The following CHD1 variants were observed in gnomAD, a reference collection of about 807,000 sequenced individuals.
CHD1 encodes the protein ATP-dependent chromatin remodeler CHD1.
CHD1 carries 36 observed loss-of-function variants against 224.2 expected under a neutral mutation model. The ratio of observed to expected loss-of-function variants is 0.16; its 90% CI spans 0.12 to 0.21. CHD1 has a LOEUF of 0.21. CHD1 is among the 10% of genes least tolerant of loss of function. The pLI is 1.00. For synonymous variants in CHD1, 668 were observed against 658.3 expected (o/e 1.01, Z -0.23); for missense variants, 1,378 against 1,994.8 (o/e 0.69, Z 5.89).
intron 32 of CHD1, among the ~76,000 whole-genome samples, chr5:98,862,943 G>A (rs997938881): frequency 6.6e-6 from 1 of 152,080 alleles, no homozygotes; most frequent in African/African-American, 2.4e-5. Flanking sequence ...TTAGCTTTAA[G>A]AACAATTTGC....
Position 98,878,845 on chromosome 5 carries a change from A to G in CHD1, c.3237+707T>C, listed in dbSNP as rs115494674. Reference sequence around the variant, plus strand: ...ATAAAAATAGATTTGGAAGATTCAGAAAAAGTAACGCTTAAAGAAAAATTT... The same window carrying G: ...ATAAAAATAGATTTGGAAGATTCAGGAAAAGTAACGCTTAAAGAAAAATTT... On this transcript the variant is annotated intron_variant, in intron 23 of 35. Transcript: ENST00000614616. Among the ~76,000 whole-genome samples, 538 of 152,356 alleles carry G rather than the reference A, an allele frequency of 3.5e-3. 1 individual carries two copies. The highest frequency in any genetic ancestry group is 6.1e-3 in the Non-Finnish European group (412 of 68,034).
At chr5:98,909,674 T>C (rs1368683351) in intron 2 of CHD1, among the ~76,000 whole-genome samples, 2 of 152,198 alleles carry the variant, frequency 1.3e-5, no homozygotes, top group African/African-American at 2.4e-5. Context: ...GTATAGTTCA[T>C]GAAGAAAAGG....
chr5:98,889,265 T>G (rs778587127), intron 15 of CHD1, 27 bp from the exon 16 acceptor site: 21 of 1,497,508 alleles, frequency 1.4e-5, no homozygotes, highest in Non-Finnish European at 1.7e-5. Context: ...ATGAAAACGA[T>G]GTTTAGCAGA....
chr5:98,875,195 G>A, intron 24 of CHD1, 82 bp from the exon 25 acceptor site: 3 of 773,798 alleles, frequency 3.9e-6, no homozygotes, highest in Non-Finnish European at 6.4e-6. Context: ...ACAGATATAA[G>A]AAAATACTTG....
chr5:98,859,807 T>C (rs1430708630), intron 33 of CHD1, among the ~76,000 whole-genome samples, 165 bp downstream of exon 33: 2 of 152,112 alleles, frequency 1.3e-5, no homozygotes, highest in African/African-American at 2.4e-5. Context: ...ATTTTACCTC[T>C]CTTCTGTGAA....
chr5:98,857,468 G>T (rs1042582474), intron 35 of CHD1, among the ~76,000 whole-genome samples: 2 of 151,956 alleles, frequency 1.3e-5, no homozygotes, highest in Admixed American at 1.3e-4. Flanking sequence ...TGCTGACAGA[G>T]GTTCTCAAAG....
At chr5:98,868,659 C>CA in intron 30 of CHD1, 24 bp from the exon 31 acceptor site, 2 of 1,519,590 alleles carry the variant, frequency 1.3e-6, no homozygotes, top group Non-Finnish European at 1.8e-6. Flanking sequence ...GAAAAGAAAA[C>CA]AAAAACAAAA....
chr5:98,898,304 C>T lies in CHD1; in HGVS notation c.1317G>A (p.Glu439=). 1 of 1,585,092 alleles carries T rather than the reference C, an allele frequency of 6.3e-7. No individual in the cohort carries two copies. The highest frequency in any genetic ancestry group is 8.6e-7 in the Non-Finnish European group (1 of 1,166,546). The change falls in exon 10 of 36, where the codon GAG becomes GAA. Residue 439 remains glutamate (E), a synonymous_variant. Transcript: ENST00000614616. ...ISKKFQACID[E]YFSRNQSKTT... Reference sequence around the variant, plus strand: ...TTTTTGATTGGTTCCTGCTAAAATACTCATCAATGCATGCTTGAAACTTTT... The same window carrying T: ...TTTTTGATTGGTTCCTGCTAAAATATTCATCAATGCATGCTTGAAACTTTT...
At chr5:98,911,146 AATAT>A (rs1158932549) in intron 2 of CHD1, among the ~76,000 whole-genome samples, 769 of 39,100 alleles carry the variant, frequency 0.02, 45 homozygotes, top group African/African-American at 0.085. Flanking sequence ...AAAAAAAAAA[AATAT>A]ATATATATAT....
At chr5:98,910,958 G>A (rs1417492464) in intron 2 of CHD1, among the ~76,000 whole-genome samples, 3 of 150,878 alleles carry the variant, frequency 2.0e-5, no homozygotes, top group East Asian at 1.9e-4. Flanking sequence ...ATCAACCAAT[G>A]TAAACTCATC....
chr5:98,917,230 G>A (rs1752786839), intron 2 of CHD1, among the ~76,000 whole-genome samples: 1 of 142,418 alleles, frequency 7.0e-6, no homozygotes, highest in Non-Finnish European at 1.5e-5. Flanking sequence ...ACATCACCAG[G>A]ACATTTTTAA....
At chr5:98,924,204 C>CTGTACTCCAGCTG (rs1753296929) in intron 2 of CHD1, among the ~76,000 whole-genome samples, 1 of 151,876 alleles carries the variant, frequency 6.6e-6, no homozygotes, top group Non-Finnish European at 1.5e-5. Flanking sequence ...TGAGCTGAGA[C>CTGTACTCCAGCTG]TACACAACTG....
chr5:98,897,154 A>C, intron 11 of CHD1, 39 bp downstream of exon 11: 3 of 1,587,360 alleles, frequency 1.9e-6, no homozygotes, highest in Non-Finnish European at 2.6e-6. Flanking sequence ...GTAAATTCTT[A>C]CTCTGTCAAA....
intron 12 of CHD1, 126 bp from the exon 13 acceptor site, chr5:98,894,812 A>C: frequency 2.1e-6 from 1 of 477,052 alleles, no homozygotes. Context: ...TTATGTAATA[A>C]AAGAGTTTTT....
chr5:98,856,397 T>TCCAGGA lies in CHD1; in HGVS notation c.5115_5116insTCCTGG (p.Trp1705_Ser1706dup). The stretch of plus-strand genomic sequence containing the variant: ...AGTTTTTGTTATGTTTTCCGACTAC[T>TCCAGGA]CCAGGTATGCTCCGGTGTACTTTTG... On this transcript the variant is annotated inframe_insertion, in exon 36 of 36. Coordinates refer to ENST00000614616, the MANE Select transcript of CHD1 (RefSeq NM_001270.4). 1 of 1,612,058 alleles carries TCCAGGA rather than the reference T, an allele frequency of 6.2e-7. No homozygotes were observed. The highest frequency in any genetic ancestry group is 8.5e-7 in the Non-Finnish European group (1 of 1,178,214).
intron 15 of CHD1, among the ~76,000 whole-genome samples, chr5:98,891,345 G>A (rs1049448690): frequency 1.3e-5 from 2 of 152,050 alleles, no homozygotes; most frequent in African/African-American, 4.8e-5. Context: ...CCAAAGTACT[G>A]GGATTACAGG....
Position 98,903,802 on chromosome 5 carries a change from C to A in CHD1, c.362G>T (p.Gly121Val), listed in dbSNP as rs1410015318. The change falls in exon 4 of 36, where the codon GGA becomes GTA. Residue 121 changes from glycine to valine, a missense_variant. Coordinates refer to ENST00000614616, the MANE Select transcript of CHD1 (RefSeq NM_001270.4). ...QQQHQASSNS[G>V]SEEDSSSSED... The stretch of plus-strand genomic sequence containing the variant: ...ATGATGAAAATGCACCTCTTCTGAT[C>A]CGCTATTAGATGAGGCTTGATGTTG... The A allele has an allele frequency of 3.7e-6, 6 of 1,609,884 alleles. No homozygotes were observed. In the African/African-American group the frequency reaches 4.0e-5, roughly 11 times the overall value.
chr5:98,868,155 C>T (rs1317413495), intron 31 of CHD1, among the ~76,000 whole-genome samples: 1 of 151,240 alleles, frequency 6.6e-6, no homozygotes, highest in Non-Finnish European at 1.5e-5. Context: ...ATAAAAAATC[C>T]CCATCTTTAC....
At chr5:98,918,060 C>CTT (rs11301847) in intron 2 of CHD1, among the ~76,000 whole-genome samples, 5 of 139,936 alleles carry the variant, frequency 3.6e-5, no homozygotes, top group South Asian at 2.3e-4. Context: ...CACAGAAAAA[C>CTT]TTTTTTTTTT....
Sources: allele counts gnomAD v4.1 joint callset (sites outside exome capture counted in the v4.1 genomes callset), GRCh38; gene constraint gnomAD v4.1.1; transcripts MANE v1.5; gene names NCBI Gene and HGNC (gene_info 2026-07-23, HGNC 2026-07-21).